DAB1: variants seen among roughly 807,000 people sequenced by gnomAD.
DAB1 encodes the protein DAB adaptor protein 1, also known as disabled homolog 1.
DAB1 carries 15 observed loss-of-function variants against 64.6 expected under a neutral mutation model. The ratio of observed to expected loss-of-function variants is 0.23; its 90% CI spans 0.16 to 0.36. The LOEUF (loss-of-function observed/expected upper bound fraction) is 0.36, where lower values mean the gene tolerates loss of function less well. Ranked by LOEUF, DAB1 falls within the 10% of genes least tolerant of loss-of-function variation. The probability of loss-of-function intolerance (pLI) is 1.00; values close to 1 mark genes in which losing one functional copy is unlikely to be tolerated. For synonymous variants in DAB1, 235 were observed against 251.9 expected (o/e 0.93, Z 0.64); for missense variants, 596 against 706.7 (o/e 0.84, Z 1.78).
chr1:57,711,028 C>T (rs1268897992), intron 6 of DAB1, among the ~76,000 whole-genome samples: 6 of 152,152 alleles, frequency 3.9e-5, no homozygotes, highest in Admixed American at 2.0e-4. Flanking sequence ...TTAGATTCTA[C>T]AATAGTGATG....
chr1:58,289,934 C>A (rs1399254807), intron 4 of DAB1, among the ~76,000 whole-genome samples: 1 of 152,158 alleles, frequency 6.6e-6, no homozygotes, highest in Non-Finnish European at 1.5e-5. Context: ...CACTTGTATC[C>A]AGCACAAAAG....
At chr1:57,006,688 T>G (rs1223850806) in intron 14 of DAB1, among the ~76,000 whole-genome samples, 1 of 152,222 alleles carries the variant, frequency 6.6e-6, no homozygotes, top group East Asian at 1.9e-4. Context: ...CATTGAGTTC[T>G]GTGTCCATAA....
intron 6 of DAB1, among the ~76,000 whole-genome samples, chr1:57,730,292 G>A (rs1419286004): frequency 1.3e-5 from 2 of 152,172 alleles, no homozygotes; most frequent in Non-Finnish European, 2.9e-5. Flanking sequence ...TGTTCTGTTA[G>A]GATACTGTCA....
intron 4 of DAB1, among the ~76,000 whole-genome samples, chr1:57,118,418 G>A (rs1355726275): frequency 1.3e-5 from 2 of 152,134 alleles, no homozygotes; most frequent in Non-Finnish European, 2.9e-5. Context: ...CCCAGTTAAG[G>A]TGAAAGATTC....
intron 4 of DAB1, among the ~76,000 whole-genome samples, chr1:57,087,069 C>T (rs1653160429): frequency 6.6e-6 from 1 of 152,130 alleles, no homozygotes; most frequent in African/African-American, 2.4e-5. Flanking sequence ...TCTGAGAGGG[C>T]CAGCAAGAAC....
At chr1:57,421,852 A>T (rs1182182963) in intron 1 of DAB1, among the ~76,000 whole-genome samples, 3 of 135,642 alleles carry the variant, frequency 2.2e-5, no homozygotes, top group Non-Finnish European at 4.7e-5. Flanking sequence ...CAGTTCCCAG[A>T]ATTGTCACCA....
At chr1:57,102,724 CAGG>C (rs1654794133) in intron 4 of DAB1, among the ~76,000 whole-genome samples, 2 of 152,080 alleles carry the variant, frequency 1.3e-5, no homozygotes, top group African/African-American at 4.8e-5. Flanking sequence ...TTGCAAAGTT[CAGG>C]AGATTTTCTT....
At chr1:57,456,656 T>A (rs1686604542) in intron 7 of DAB1, among the ~76,000 whole-genome samples, 1 of 152,108 alleles carries the variant, frequency 6.6e-6, no homozygotes, top group Non-Finnish European at 1.5e-5. Context: ...ATAATCAGTA[T>A]CAAGGTAGTA....
At chr1:57,771,485 TA>T (rs1343337992) in intron 6 of DAB1, among the ~76,000 whole-genome samples, 1 of 152,154 alleles carries the variant, frequency 6.6e-6, no homozygotes, top group Non-Finnish European at 1.5e-5. Context: ...ATTTAGTTCT[TA>T]TAACTGCCTG....
intron 6 of DAB1, among the ~76,000 whole-genome samples, chr1:57,801,830 G>C (rs1651140904): frequency 6.6e-6 from 1 of 151,998 alleles, no homozygotes; most frequent in Non-Finnish European, 1.5e-5. Context: ...GCTAATTTTT[G>C]TATTTTTGAT....
intron 5 of DAB1, among the ~76,000 whole-genome samples, chr1:57,957,551 G>A (rs887501447): frequency 6.6e-6 from 1 of 152,176 alleles, no homozygotes; most frequent in Non-Finnish European, 1.5e-5. Flanking sequence ...AGAAGTGTAT[G>A]CAGGAGACAC....
intron 1 of DAB1, among the ~76,000 whole-genome samples, chr1:57,384,159 C>T (rs1302978664): frequency 1.3e-5 from 2 of 152,166 alleles, no homozygotes; most frequent in Non-Finnish European, 2.9e-5. Flanking sequence ...CATCACCAAT[C>T]ATTAGGAAAA....
intron 4 of DAB1, among the ~76,000 whole-genome samples, chr1:57,117,552 C>A (rs1656248594): frequency 6.6e-6 from 1 of 152,142 alleles, no homozygotes; most frequent in South Asian, 2.1e-4. Flanking sequence ...AGTAACAGAG[C>A]ATTTTGCAGT....
At chr1:57,704,282 A>G (rs1294684343) in intron 6 of DAB1, among the ~76,000 whole-genome samples, 1 of 152,164 alleles carries the variant, frequency 6.6e-6, no homozygotes, top group East Asian at 1.9e-4. Flanking sequence ...TTGTAGCAAT[A>G]AACAGAAGCT....
intron 4 of DAB1, among the ~76,000 whole-genome samples, chr1:58,274,929 C>T (rs997417621): frequency 1.1e-4 from 16 of 149,536 alleles, no homozygotes; most frequent in Admixed American, 2.7e-4. Flanking sequence ...GAGAGAAACC[C>T]GGTACCTCAG....
chr1:57,983,073 C>T (rs193237029), intron 5 of DAB1, among the ~76,000 whole-genome samples: 107 of 152,246 alleles, frequency 7.0e-4, no homozygotes, highest in Non-Finnish European at 1.3e-3. Flanking sequence ...GGTGAAGCCT[C>T]GTGTCCATTC....
In DAB1 at chr1:58,189,230, C is replaced by G. The variant is rs1422259481; in HGVS notation, n.310-38642G>C. On this transcript the variant is annotated intron_variant and non_coding_transcript_variant, in intron 4 of 20. Transcript: ENST00000485760. Reference sequence around the variant, plus strand: ...TCAACTCTGTGAATGTTACTGAAAGCAGGAAAGGATGTTTTTATTCCTAGC... The same window carrying G: ...TCAACTCTGTGAATGTTACTGAAAGGAGGAAAGGATGTTTTTATTCCTAGC... Among the ~76,000 whole-genome samples the G allele has an allele frequency of 2.6e-5, 4 of 152,304 alleles. No homozygotes were observed. In the East Asian group the frequency reaches 7.7e-4, roughly 29 times the overall value.
chr1:57,649,501 T>A (rs1376613492), intron 7 of DAB1: 1 of 152,102 alleles, frequency 6.6e-6, no homozygotes, highest in Non-Finnish European at 1.5e-5. Context: ...AGCTACCACT[T>A]CGAGAGAACC....
At chr1:57,496,830 G>A (rs927643831) in intron 7 of DAB1, among the ~76,000 whole-genome samples, 4 of 152,176 alleles carry the variant, frequency 2.6e-5, no homozygotes, top group Non-Finnish European at 1.5e-5. Flanking sequence ...TGGGATTGGA[G>A]CCTGGAGATC....
Sources: allele counts gnomAD v4.1 joint callset (sites outside exome capture counted in the v4.1 genomes callset), GRCh38; gene constraint gnomAD v4.1.1; transcripts MANE v1.5; gene names NCBI Gene and HGNC (gene_info 2026-07-23, HGNC 2026-07-21).